Variants in PRKAR2B observed in about 807,000 individuals in gnomAD.
PRKAR2B encodes cAMP-dependent protein kinase type II-beta regulatory subunit.
PRKAR2B carries 14 observed loss-of-function variants against 49.9 expected under a neutral mutation model. That is an observed-to-expected ratio of 0.28 (90% CI 0.19 to 0.44). The LOEUF is 0.44. PRKAR2B is among the 20% of genes least tolerant of loss of function. The probability of loss-of-function intolerance (pLI) is 1.00; values close to 1 mark genes in which losing one functional copy is unlikely to be tolerated. For missense variants in PRKAR2B, 393 were observed against 537.9 expected (o/e 0.73, Z 2.67); for synonymous variants, 196 against 197.7 (o/e 0.99, Z 0.07).
intron 6 of PRKAR2B, among the ~76,000 whole-genome samples, chr7:107,148,282 T>C (rs1335257011): frequency 6.6e-6 from 1 of 152,218 alleles, no homozygotes; most frequent in Non-Finnish European, 1.5e-5. Flanking sequence ...CAGATTCAGA[T>C]TGTCAGATTG....
chr7:107,106,712 C>T (rs1002424618), intron 2 of PRKAR2B, among the ~76,000 whole-genome samples: 1 of 152,072 alleles, frequency 6.6e-6, no homozygotes, highest in Non-Finnish European at 1.5e-5. Context: ...CTGAGGCTAG[C>T]TGTAAAAGCC....
In PRKAR2B at chr7:107,159,464, C is replaced by T; in HGVS notation, c.1139C>T (p.Ala380Val). ...CTTTTCTCAGCAATGGATGTGCAAGCATTTGAAAGGCTTCTGGGACCTTGC... is the reference window on the plus strand; with the variant it reads ...CTTTTCTCAGCAATGGATGTGCAAGTATTTGAAAGGCTTCTGGGACCTTGC... ...TVKCLAMDVQ[A>V]FERLLGPCME... Residue 380 changes from alanine to valine, a missense_variant, in exon 11 of 11, where the codon GCA becomes GTA. This residue lies in a region of PRKAR2B where 233 missense variants were observed against 390.4 expected (regional missense o/e 0.60). Coordinates refer to ENST00000265717, the MANE Select transcript of PRKAR2B (RefSeq NM_002736.3). 1 of 1,613,886 alleles carries T rather than the reference C, an allele frequency of 6.2e-7. No individual in the cohort carries two copies. The highest frequency in any genetic ancestry group is 8.5e-7 in the Non-Finnish European group (1 of 1,179,908).
intron 2 of PRKAR2B, among the ~76,000 whole-genome samples, chr7:107,073,438 C>T (rs944952082): frequency 6.6e-6 from 1 of 152,072 alleles, no homozygotes; most frequent in African/African-American, 2.4e-5. Context: ...ATAGAGGCTT[C>T]AGGGTTGTAT....
chr7:107,107,891 C>T (rs1447620932), intron 2 of PRKAR2B, among the ~76,000 whole-genome samples: 1 of 152,088 alleles, frequency 6.6e-6, no homozygotes, highest in Non-Finnish European at 1.5e-5. Flanking sequence ...CTCTTGACCT[C>T]GGGATCTGCC....
At position 107,112,003 on chromosome 7, in the gene PRKAR2B, C is replaced by CAAAAA. The variant is rs71134251; in HGVS notation, c.344-9929_344-9925dup. The stretch of plus-strand genomic sequence containing the variant: ...GCAATATAGCAAGAGCCTCCTCTAC[C>CAAAAA]AAAAAAAAAAAAAAAAAAAAAAAAG... On this transcript the variant is annotated intron_variant, in intron 2 of 10. Transcript: ENST00000265717. Among the ~76,000 whole-genome samples, 44 of 46,164 alleles carry CAAAAA rather than the reference C, an allele frequency of 9.5e-4. 2 individuals are homozygous for CAAAAA. The highest frequency in any genetic ancestry group is 1.6e-3 in the East Asian group (2 of 1,278). The allele number at this position is 46,164 out of a possible 152,430, so 30.3% of individuals were successfully genotyped here.
At position 107,140,960 on chromosome 7, in the gene PRKAR2B, T is replaced by C; in HGVS notation, c.587+7T>C. On this transcript the variant is annotated splice_region_variant and intron_variant, in intron 5 of 10. Transcript: ENST00000265717. The stretch of plus-strand genomic sequence containing the variant: ...ACTTTTATGTAATTGATAGGTAAGT[T>C]TTGCCCAACCTTACTATTGAAATTG... 2 of 1,595,510 alleles carry C rather than the reference T, an allele frequency of 1.3e-6. No homozygotes were observed. The highest frequency in any genetic ancestry group is 1.7e-6 in the Non-Finnish European group (2 of 1,166,438).
At chr7:107,088,592 T>C (rs986853684) in intron 2 of PRKAR2B, among the ~76,000 whole-genome samples, 13 of 152,140 alleles carry the variant, frequency 8.5e-5, no homozygotes, top group Non-Finnish European at 1.5e-4. Flanking sequence ...AGTTGGCTTT[T>C]ATTTTATTTT....
chr7:107,155,040 G>A (rs1796056102), intron 8 of PRKAR2B, among the ~76,000 whole-genome samples: 2 of 152,154 alleles, frequency 1.3e-5, no homozygotes, highest in African/African-American at 2.4e-5. Context: ...CAATGCTTGC[G>A]ATGTTAGGAT....
chr7:107,148,389 G>C (rs1402517405), intron 6 of PRKAR2B, among the ~76,000 whole-genome samples: 1 of 152,124 alleles, frequency 6.6e-6, no homozygotes, highest in Non-Finnish European at 1.5e-5. Context: ...TTTAGCCCTT[G>C]TAGAAACTTT....
Position 107,071,431 on chromosome 7 carries a change from A to G in PRKAR2B, c.343+1115A>G, listed in dbSNP as rs181027387. ...ACTTTATCATTCTGAGCTTTTTGTA[A>G]TCTCAAGGCGTGTTTATTTTAAATG... On this transcript the variant is annotated intron_variant, in intron 2 of 10. Transcript: ENST00000265717. Among the ~76,000 whole-genome samples the G allele has an allele frequency of 2.2e-4, 33 of 152,348 alleles. 1 individual carries two copies. In the South Asian group the frequency reaches 4.1e-3, roughly 19 times the overall value.
intron 2 of PRKAR2B, chr7:107,078,213 A>AAAG (rs1554364712): frequency 1.7e-4 from 26 of 152,240 alleles, no homozygotes; most frequent in African/African-American, 6.0e-4. Flanking sequence ...AAAAAAAAAA[A>AAAG]AAAAGAAAAA....
At chr7:107,100,160 C>T (rs1794931747) in intron 2 of PRKAR2B, among the ~76,000 whole-genome samples, 1 of 151,896 alleles carries the variant, frequency 6.6e-6, no homozygotes, top group Non-Finnish European at 1.5e-5. Context: ...TGAAAGAGTT[C>T]CTTTAATTCC....
intron 2 of PRKAR2B, among the ~76,000 whole-genome samples, chr7:107,118,361 A>G (rs1034222165): frequency 6.6e-5 from 10 of 152,098 alleles, no homozygotes; most frequent in Admixed American, 6.5e-5. Context: ...TTGAGTGTGT[A>G]TAATACAAGT....
intron 6 of PRKAR2B, among the ~76,000 whole-genome samples, chr7:107,148,635 T>C (rs1280286119): frequency 2.0e-5 from 3 of 152,206 alleles, no homozygotes; most frequent in Non-Finnish European, 2.9e-5. Context: ...CTAATTATAA[T>C]AACTCCTTCT....
chr7:107,059,574 T>C (rs577461368), intron 1 of PRKAR2B, among the ~76,000 whole-genome samples: 1 of 152,268 alleles, frequency 6.6e-6, no homozygotes, highest in African/African-American at 2.4e-5. Flanking sequence ...TAGTTCTAGT[T>C]CTCTAGTTCA....
At chr7:107,071,504 T>C (rs1167236176) in intron 2 of PRKAR2B, among the ~76,000 whole-genome samples, 1 of 152,208 alleles carries the variant, frequency 6.6e-6, no homozygotes, top group East Asian at 1.9e-4. Context: ...TGAGACATTA[T>C]GTTTATGTCA....
chr7:107,090,376 C>T (rs1794714186), intron 2 of PRKAR2B, among the ~76,000 whole-genome samples: 1 of 152,132 alleles, frequency 6.6e-6, no homozygotes, highest in Non-Finnish European at 1.5e-5. Context: ...TCAAGGCTTC[C>T]CCAAAATCCC....
chr7:107,121,885 C>A, intron 2 of PRKAR2B, 67 bp from the exon 3 acceptor site: 2 of 950,286 alleles, frequency 2.1e-6, no homozygotes, highest in Admixed American at 2.2e-5. Context: ...TAAGTGTTAA[C>A]GATGTACTCA....
intron 4 of PRKAR2B, among the ~76,000 whole-genome samples, chr7:107,136,170 T>G (rs1267365214): frequency 6.6e-6 from 1 of 152,122 alleles, no homozygotes; most frequent in Non-Finnish European, 1.5e-5. Flanking sequence ...TTCACAAAAA[T>G]TAACTCAAAA....
Sources: gnomAD v4.1 joint callset for allele counts (sites outside exome capture counted in the v4.1 genomes callset) on GRCh38, gnomAD v4.1.1 for gene constraint, gnomAD v4.1.1 regional missense constraint, MANE v1.5 for transcripts, NCBI Gene and HGNC (gene_info 2026-07-23, HGNC 2026-07-21) for gene names.